MLLT3: variants seen among roughly 807,000 people sequenced by gnomAD.
MLLT3 encodes MLLT3 super elongation complex subunit, also known as protein AF-9.
A neutral mutation model predicts 53.2 loss-of-function variants in MLLT3; 4 were observed. The ratio of observed to expected loss-of-function variants is 0.08; its 90% CI spans 0.04 to 0.17. MLLT3 has a LOEUF of 0.17. Ranked by LOEUF, MLLT3 falls within the 10% of genes least tolerant of loss-of-function variation. The probability of loss-of-function intolerance (pLI) is 1.00; values close to 1 mark genes in which losing one functional copy is unlikely to be tolerated. For synonymous variants in MLLT3, 283 were observed against 230.6 expected (o/e 1.23, Z -2.06); for missense variants, 569 against 684.0 (o/e 0.83, Z 1.87).
chr9:20,384,142 T>C (rs1392669235), intron 5 of MLLT3, among the ~76,000 whole-genome samples: 1 of 152,076 alleles, frequency 6.6e-6, no homozygotes, highest in African/African-American at 2.4e-5. Context: ...TGTAGACTTA[T>C]ATGCTTCTGC....
intron 4 of MLLT3, among the ~76,000 whole-genome samples, chr9:20,423,525 G>A (rs969190145): frequency 1.3e-5 from 2 of 151,894 alleles, no homozygotes; most frequent in Non-Finnish European, 1.5e-5. Flanking sequence ...AGAATATTCA[G>A]GAAAAGGCCA....
At chr9:20,482,536 A>C (rs1292362476) in intron 2 of MLLT3, among the ~76,000 whole-genome samples, 1 of 152,228 alleles carries the variant, frequency 6.6e-6, no homozygotes, top group Non-Finnish European at 1.5e-5. Context: ...TAAGATCTTT[A>C]AACTAGATTT....
chr9:20,535,646 G>A (rs182896853), intron 2 of MLLT3, among the ~76,000 whole-genome samples: 9 of 152,248 alleles, frequency 5.9e-5, no homozygotes, highest in Admixed American at 3.9e-4. Context: ...TCTGCAAGGA[G>A]CACACGTTTA....
chr9:20,431,885 T>C (rs769840976), intron 4 of MLLT3, among the ~76,000 whole-genome samples: 26 of 152,108 alleles, frequency 1.7e-4, no homozygotes, highest in Non-Finnish European at 3.2e-4. Flanking sequence ...ACATATACTA[T>C]TATACCATTT....
At chr9:20,592,474 C>T (rs10964629) in intron 2 of MLLT3, among the ~76,000 whole-genome samples, 61,313 of 151,692 alleles carry the variant, frequency 0.4, 13,027 homozygotes, top group Non-Finnish European at 0.49. Context: ...CTTGGTGTGT[C>T]TGTCCTAATC....
At chr9:20,525,870 T>C (rs1048902477) in intron 2 of MLLT3, among the ~76,000 whole-genome samples, 1 of 152,208 alleles carries the variant, frequency 6.6e-6, no homozygotes, top group Non-Finnish European at 1.5e-5. Context: ...AATTTACATG[T>C]TGTGACATTC....
At chr9:20,446,950 T>C (rs978888465) in intron 4 of MLLT3, among the ~76,000 whole-genome samples, 4 of 152,172 alleles carry the variant, frequency 2.6e-5, no homozygotes, top group Admixed American at 6.5e-5. Flanking sequence ...TATTGACATA[T>C]ATATGATAAG....
chr9:20,346,502 G>A lies in MLLT3; in HGVS notation c.1648C>T (p.Leu550=), dbSNP rs1259902357. 5 of 1,613,540 alleles carry A rather than the reference G, an allele frequency of 3.1e-6. No homozygotes were observed. Among genetic ancestry groups the A allele is most frequent in the Non-Finnish European group, 4.2e-6 (5 of 1,179,688 alleles). The part of the protein sequence containing the change: ...NTTFDFDLCS[L]DKTTVRKLQS... The stretch of plus-strand genomic sequence containing the variant: ...AGTTTACGGACTGTGGTTTTGTCCA[G>A]CGAGCAAAGATCAAAATCAAATGTT... Residue 550 remains leucine, a synonymous_variant, in exon 11 of 11, where the codon CTG becomes TTG. Transcript: ENST00000380338.
At chr9:20,371,080 C>T (rs564255671) in intron 5 of MLLT3, among the ~76,000 whole-genome samples, 1 of 152,246 alleles carries the variant, frequency 6.6e-6, no homozygotes, top group African/African-American at 2.4e-5. Context: ...TAAACCAAAG[C>T]CTAATCAAGA....
Position 20,342,439 on chromosome 9 carries a change from T to C in MLLT3, c.*4004A>G, listed in dbSNP as rs1002707577. ...GGCCTTGCACTGTTAATCTCAATAA[T>C]ACATTTTCACTTAATTTATTTTTGC... On this transcript the variant is annotated 3_prime_UTR_variant, in exon 11 of 11. Transcript: ENST00000380338. The C allele has an allele frequency of 2.7e-5, 6 of 222,140 alleles. No individual in the cohort carries two copies. Among genetic ancestry groups the C allele is most frequent in the African/African-American group, 1.3e-4 (6 of 44,678 alleles). The allele number at this position is 222,140 out of a possible 1,614,324, so 13.8% of individuals were successfully genotyped here.
At chr9:20,487,913 A>AT (rs928774320) in intron 2 of MLLT3, among the ~76,000 whole-genome samples, 26 of 151,892 alleles carry the variant, frequency 1.7e-4, no homozygotes, top group African/African-American at 6.0e-4. Flanking sequence ...TCAAAGCTTT[A>AT]TTTTTTTTCT....
intron 2 of MLLT3, among the ~76,000 whole-genome samples, chr9:20,511,214 T>G (rs1016683860): frequency 6.6e-6 from 1 of 152,168 alleles, no homozygotes; most frequent in Admixed American, 6.5e-5. Context: ...TATTAATTTC[T>G]GGGGTGACTG....
At chr9:20,586,631 T>C (rs894553596) in intron 2 of MLLT3, among the ~76,000 whole-genome samples, 1 of 151,164 alleles carries the variant, frequency 6.6e-6, no homozygotes, top group Non-Finnish European at 1.5e-5. Context: ...ATTCAAACTA[T>C]GGCAGGTCAC....
chr9:20,620,252 A>AACACACACACACAC lies in MLLT3; in HGVS notation c.193+388_193+401dup, dbSNP rs60526002. ...AGGTAAATCTTAATTTCTCTAGGAA[A>AACACACACACACAC]ACACACACACACACACACACACACA... On this transcript the variant is annotated intron_variant, in intron 2 of 10. Coordinates refer to ENST00000380338, the MANE Select transcript of MLLT3 (RefSeq NM_004529.4). The surrounding 1 kb of genome is among the most constrained non-coding windows in gnomAD (Gnocchi z 6.1). Among the ~76,000 whole-genome samples the AACACACACACACAC allele has an allele frequency of 7.0e-6, 1 of 142,606 alleles. No homozygotes were observed. The highest frequency in any genetic ancestry group is 2.6e-5 in the African/African-American group (1 of 38,396). The allele number at this position is 142,606 out of a possible 152,430, so 93.6% of individuals were successfully genotyped here.
intron 4 of MLLT3, among the ~76,000 whole-genome samples, chr9:20,417,626 T>C (rs1302743222): frequency 6.6e-6 from 1 of 152,054 alleles, no homozygotes; most frequent in African/African-American, 2.4e-5. Context: ...CTCAAATATT[T>C]AAGGCAAATG....
rs551546509 is a variant in MLLT3 at position 20,391,812 on chromosome 9, G to A, written c.1125+21909C>T. ...GCTTAAGTTAGTAGAAGGAAGATGT[G>A]TATGTGATAAATGTCGAACTAGCAG... On this transcript the variant is annotated intron_variant, in intron 5 of 10. Transcript: ENST00000380338. Among the ~76,000 whole-genome samples the A allele has an allele frequency of 9.2e-5, 14 of 152,316 alleles. No individual in the cohort carries two copies. In the South Asian group the frequency reaches 1.7e-3, roughly 18 times the overall value.
intron 5 of MLLT3, among the ~76,000 whole-genome samples, chr9:20,392,954 G>C (rs1259819770): frequency 2.0e-5 from 3 of 152,128 alleles, no homozygotes; most frequent in African/African-American, 7.2e-5. Context: ...TCAGGAGTTT[G>C]AGACCAGCCT....
At chr9:20,501,736 C>T (rs1477000420) in intron 2 of MLLT3, among the ~76,000 whole-genome samples, 55 of 124,344 alleles carry the variant, frequency 4.4e-4, no homozygotes, top group African/African-American at 1.6e-3. Flanking sequence ...CCGGCCTGGG[C>T]GACAGAGCGA....
chr9:20,617,248 C>T (rs1267774642), intron 2 of MLLT3, among the ~76,000 whole-genome samples: 1 of 152,124 alleles, frequency 6.6e-6, no homozygotes, highest in Non-Finnish European at 1.5e-5. Context: ...GTATTAGTTA[C>T]CTTGATAAAA....
Sources: allele counts gnomAD v4.1 joint callset (sites outside exome capture counted in the v4.1 genomes callset), GRCh38; gene constraint gnomAD v4.1.1; non-coding constraint Gnocchi (gnomAD v3.1); transcripts MANE v1.5; gene names NCBI Gene and HGNC (gene_info 2026-07-23, HGNC 2026-07-21).